The following TCF12 variants were observed in gnomAD, a reference collection of about 807,000 sequenced individuals.
TCF12 encodes transcription factor 12, also known as DNA-binding protein HTF4.
In TCF12, 45 loss-of-function variants were observed where a neutral mutation model predicts 86.0. The ratio of observed to expected loss-of-function variants is 0.52; its 90% confidence interval spans 0.41 to 0.67. The LOEUF (loss-of-function observed/expected upper bound fraction) is 0.67, where lower values mean the gene tolerates loss of function less well. TCF12 is among the 30% of genes least tolerant of loss of function. TCF12 has a pLI of 0.00. For synonymous variants in TCF12, 330 were observed against 299.6 expected (o/e 1.10, Z -1.05); for missense variants, 881 against 859.9 (o/e 1.02, Z -0.31).
At chr15:57,193,735 T>TTCC (rs1597213053) in intron 7 of TCF12, among the ~76,000 whole-genome samples, 1 of 152,322 alleles carries the variant, frequency 6.6e-6, no homozygotes, top group East Asian at 1.9e-4. Flanking sequence ...TGGTGAAATA[T>TTCC]TCCTGGTCTC....
At chr15:57,227,363 T>A (rs2058939420) in intron 8 of TCF12, among the ~76,000 whole-genome samples, 1 of 151,950 alleles carries the variant, frequency 6.6e-6, no homozygotes, top group East Asian at 1.9e-4. Flanking sequence ...CTGAACAGAG[T>A]GTATGCCTTG....
At chr15:57,057,232 G>A (rs1250443835) in intron 3 of TCF12, among the ~76,000 whole-genome samples, 1 of 152,102 alleles carries the variant, frequency 6.6e-6, no homozygotes, top group East Asian at 1.9e-4. Context: ...CAAAAATTTG[G>A]GACCTCTCTT....
At chr15:57,178,307 G>A (rs1172582472) in intron 6 of TCF12, among the ~76,000 whole-genome samples, 1 of 152,132 alleles carries the variant, frequency 6.6e-6, no homozygotes, top group Admixed American at 6.5e-5. Flanking sequence ...TCTAAACTAA[G>A]AAGTTTAATG....
intron 5 of TCF12, 141 bp from the exon 6 acceptor site, chr15:57,166,261 A>C (rs117944217): frequency 1.5e-6 from 1 of 656,400 alleles, no homozygotes; most frequent in Non-Finnish European, 2.4e-6. Flanking sequence ...AGTTTTACAA[A>C]TTATTGAATT....
intron 3 of TCF12, among the ~76,000 whole-genome samples, chr15:57,048,774 A>G (rs146418564): frequency 9.9e-4 from 151 of 152,290 alleles, no homozygotes; most frequent in Non-Finnish European, 1.6e-3. Flanking sequence ...TGTGAGTAAA[A>G]CATGAATATT....
chr15:57,207,866 T>TA (rs1175996515), intron 8 of TCF12, among the ~76,000 whole-genome samples: 16 of 151,988 alleles, frequency 1.1e-4, no homozygotes, highest in African/African-American at 3.6e-4. Context: ...TTAGAAAACT[T>TA]ATTTGCTACT....
intron 3 of TCF12, among the ~76,000 whole-genome samples, chr15:56,959,917 T>C (rs1287580483): frequency 3.3e-5 from 5 of 152,268 alleles, no homozygotes; most frequent in African/African-American, 1.2e-4. Flanking sequence ...AGCAAGATTA[T>C]TGTTCCAATT....
chr15:56,992,008 CT>C lies in TCF12; in HGVS notation c.148+70913del, dbSNP rs566746787. 2.0e-5 allele frequency among the ~76,000 whole-genome samples: 3 copies of C among 151,576 alleles called. No individual in the cohort carries two copies. The East Asian group carries it at 5.8e-4, about 29-fold the overall frequency. On this transcript the variant is annotated intron_variant, in intron 3 of 20. Transcript: ENST00000333725. ...AGTAGCTCATGCCTGTACCCTAGTACTTTAGGAGGCTGAGGTGGGAGGATCA... is the reference window on the plus strand; with the variant it reads ...AGTAGCTCATGCCTGTACCCTAGTACTTAGGAGGCTGAGGTGGGAGGATCA...
chr15:57,059,619 T>C (rs1396383434), intron 3 of TCF12, among the ~76,000 whole-genome samples: 1 of 152,000 alleles, frequency 6.6e-6, no homozygotes, highest in Non-Finnish European at 1.5e-5. Context: ...TTCCTAATTC[T>C]TCCCTTTTAC....
chr15:57,093,295 T>C (rs1242225936), intron 5 of TCF12, among the ~76,000 whole-genome samples: 1 of 152,196 alleles, frequency 6.6e-6, no homozygotes, highest in South Asian at 2.1e-4. Flanking sequence ...CACTCCAAAT[T>C]ATTTCCTTTC....
chr15:57,183,740 T>C (rs759272310), intron 6 of TCF12, among the ~76,000 whole-genome samples: 15 of 152,154 alleles, frequency 9.9e-5, no homozygotes, highest in Non-Finnish European at 1.8e-4. Flanking sequence ...CTGTACACTT[T>C]TATTTTTAGG....
At chr15:57,157,108 AG>A (rs1169033083) in intron 5 of TCF12, among the ~76,000 whole-genome samples, 1 of 152,164 alleles carries the variant, frequency 6.6e-6, no homozygotes, top group African/African-American at 2.4e-5. Context: ...TTTGTTTTGG[AG>A]TAAGTGGAGT....
intron 3 of TCF12, among the ~76,000 whole-genome samples, chr15:57,016,707 C>A (rs1466929473): frequency 6.6e-6 from 1 of 151,942 alleles, no homozygotes; most frequent in African/African-American, 2.4e-5. Context: ...TCTTGCATTT[C>A]CATGTTTTAC....
Position 56,984,014 on chromosome 15 carries a change from A to AAAAAAG in TCF12, c.148+62918_148+62919insAAAGAA, listed in dbSNP as rs777234282. 1.4e-3 allele frequency among the ~76,000 whole-genome samples: 148 copies of AAAAAAG among 104,448 alleles called. 15 individuals are homozygous for AAAAAAG. In the East Asian group the frequency reaches 0.022, roughly 16 times the overall value. The allele number at this position is 104,448 out of a possible 152,430, so 68.5% of individuals were successfully genotyped here. A position where few individuals can be genotyped will look rare whatever the true frequency, so the allele number is the denominator to read the frequency against. On this transcript the variant is annotated intron_variant, in intron 3 of 20. Coordinates refer to ENST00000333725, the MANE Select transcript of TCF12 (RefSeq NM_207037.2). ...GAGACCCTGTCTCAAAAAAAAAAAA[A>AAAAAAG]AAGAAGAAGAAGAATTTTGGATCAA... is the stretch of plus-strand genomic sequence containing the variant.
chr15:56,956,677 A>G (rs933478961), intron 3 of TCF12, among the ~76,000 whole-genome samples: 5 of 151,974 alleles, frequency 3.3e-5, no homozygotes, highest in Admixed American at 1.3e-4. Context: ...TAGATGGACA[A>G]TTTTTTCTTT....
At chr15:57,175,203 G>A (rs1458578488) in intron 6 of TCF12, among the ~76,000 whole-genome samples, 1 of 152,034 alleles carries the variant, frequency 6.6e-6, no homozygotes, top group African/African-American at 2.4e-5. Flanking sequence ...AAAATTAACT[G>A]CAGGTGGTGG....
At chr15:56,968,412 A>T (rs2062117864) in intron 3 of TCF12, among the ~76,000 whole-genome samples, 1 of 145,026 alleles carries the variant, frequency 6.9e-6, no homozygotes, top group Non-Finnish European at 1.5e-5. Context: ...CCCAGGCTGG[A>T]GTGTAGTCAC....
chr15:57,219,569 G>T lies in TCF12; in HGVS notation c.580-11583G>T, dbSNP rs754172326. 8 of 1,613,272 alleles carry T rather than the reference G, an allele frequency of 5.0e-6. No homozygotes were observed. The African/African-American group carries it at 9.3e-5, about 19-fold the overall frequency. ...CTGGAATGGGCAGCAATTCTTTGAT[G>T]TATTACTACAATGGGAAAACGGTAA... On this transcript the variant is annotated intron_variant, in intron 8 of 20. Coordinates refer to ENST00000333725, the MANE Select transcript of TCF12 (RefSeq NM_207037.2).
upstream of TCF12, chr15:56,918,371 G>GAGATCTACA: frequency 5.2e-6 from 2 of 386,142 alleles, no homozygotes; most frequent in South Asian, 1.8e-5. Flanking sequence ...CTGCCACCCC[G>GAGATCTACA]CTCCCAGGAG....
Sources: allele counts gnomAD v4.1 joint callset (sites outside exome capture counted in the v4.1 genomes callset), GRCh38; gene constraint gnomAD v4.1.1; transcripts MANE v1.5; gene names NCBI Gene and HGNC (gene_info 2026-07-23, HGNC 2026-07-21).